Variants in ADH1C observed in about 807,000 individuals in gnomAD.
The protein encoded by ADH1C is alcohol dehydrogenase 1C (class I), gamma polypeptide.
A neutral mutation model predicts 35.0 loss-of-function variants in ADH1C; 26 were observed. The observed-to-expected ratio is 0.74, with a 90% confidence interval of 0.54 to 1.03. The LOEUF is 1.03. Among genes scored for constraint, ADH1C ranks in the 50% least tolerant of loss-of-function variants. The probability of loss-of-function intolerance (pLI) is 0.00; values close to 1 mark genes in which losing one functional copy is unlikely to be tolerated. For missense variants in ADH1C, 413 were observed against 465.4 expected, an observed-to-expected ratio of 0.89 and a Z score of 1.04; for synonymous variants, 170 against 169.3, an observed-to-expected ratio of 1.00 and a Z score of -0.03.
intron 1 of ADH1C, chr4:99,351,209 G>A (rs1420212818): frequency 7.0e-6 from 1 of 143,016 alleles, no homozygotes; most frequent in Non-Finnish European, 1.6e-5. Flanking sequence ...ATATCAAAAA[G>A]TTATAAAGCA....
At chr4:99,345,715 CA>C (rs1384961045) in intron 3 of ADH1C, among the ~76,000 whole-genome samples, 14 of 152,130 alleles carry the variant, frequency 9.2e-5, no homozygotes, top group Admixed American at 2.6e-4. Context: ...ATTTGATTTA[CA>C]ACAAAAATGA....
chr4:99,346,178 GCTAT>G (rs1269060919), intron 3 of ADH1C, among the ~76,000 whole-genome samples: 1 of 152,048 alleles, frequency 6.6e-6, no homozygotes, highest in Admixed American at 6.6e-5. Context: ...AATCACCTAT[GCTAT>G]CTATTTCACA....
intron 1 of ADH1C, 149 bp from the exon 2 acceptor site, chr4:99,347,995 G>A (rs1734576510): frequency 1.3e-6 from 1 of 791,658 alleles, no homozygotes; most frequent in Non-Finnish European, 1.9e-6. Flanking sequence ...GGTTTATAAA[G>A]AGAATAAGAG....
intron 3 of ADH1C, 85 bp from the exon 4 acceptor site, chr4:99,345,351 G>C: frequency 7.6e-7 from 1 of 1,316,058 alleles, no homozygotes; most frequent in Non-Finnish European, 1.1e-6. Flanking sequence ...GTATAGATTA[G>C]AATTATGTGT....
chr4:99,341,085 C>T (rs141973904), intron 6 of ADH1C, among the ~76,000 whole-genome samples: 2,457 of 152,218 alleles, frequency 0.016, 87 homozygotes, highest in Middle Eastern at 0.13. Flanking sequence ...GTATTTTGAA[C>T]CCAATACTTT....
chr4:99,343,939 G>C (rs1397761108), intron 5 of ADH1C, among the ~76,000 whole-genome samples: 2 of 152,072 alleles, frequency 1.3e-5, no homozygotes, highest in Non-Finnish European at 2.9e-5. Context: ...TCCCTTAAGG[G>C]TGTCTATTTC....
Position 99,339,696 on chromosome 4 carries a change from A to T in ADH1C, c.984T>A (p.Ser328=), listed in dbSNP as rs776251067. Residue 328 remains serine, a synonymous_variant, in exon 8 of 9, where the codon TCT becomes TCA. Transcript: ENST00000515683. ...TAAAGTCAGCCACAAGTTTGGGGAC[A>T]GATTCTTTACTCTTAAAGCCTGAAA... ...AIFGGFKSKE[S]VPKLVADFMA... 5.0e-6 allele frequency: 8 copies of T among 1,612,014 alleles called. No individual in the cohort carries two copies. The highest frequency in any genetic ancestry group is 6.8e-6 in the Non-Finnish European group (8 of 1,179,316).
intron 1 of ADH1C, among the ~76,000 whole-genome samples, chr4:99,349,795 ATGTGTGTTTCTG>A (rs1463730440): frequency 8.0e-6 from 1 of 125,678 alleles, no homozygotes; most frequent in Non-Finnish European, 2.0e-5. Flanking sequence ...GGTGTTGTGT[ATGTGTGTTTCTG>A]TGTGTGTGTG....
chr4:99,340,110 C>G (rs1045680131), intron 7 of ADH1C, among the ~76,000 whole-genome samples: 1 of 152,162 alleles, frequency 6.6e-6, no homozygotes, highest in African/African-American at 2.4e-5. Context: ...TTAATAGTGA[C>G]ATCAGAAAAG....
At chr4:99,343,347 T>G (rs1734459470) in intron 5 of ADH1C, among the ~76,000 whole-genome samples, 1 of 152,208 alleles carries the variant, frequency 6.6e-6, no homozygotes, top group African/African-American at 2.4e-5. Context: ...CAGGTGGAAC[T>G]AAGTCCTCAA....
At chr4:99,339,523 CCCCG>C in intron 8 of ADH1C, 50 bp downstream of exon 8, 4 of 1,211,016 alleles carry the variant, frequency 3.3e-6, no homozygotes, top group Non-Finnish European at 3.3e-6. Flanking sequence ...CCCCCCCCCC[CCCCG>C]CCGCTACTGT....
chr4:99,351,379 G>C (rs970739838), intron 1 of ADH1C, among the ~76,000 whole-genome samples: 1 of 152,066 alleles, frequency 6.6e-6, no homozygotes, highest in Non-Finnish European at 1.5e-5. Context: ...AATGCAGGAC[G>C]GGTAAACATA....
intron 3 of ADH1C, among the ~76,000 whole-genome samples, chr4:99,346,527 TAGGTCACCTA>T (rs66538746): frequency 0.23 from 35,257 of 151,922 alleles, 4,840 homozygotes; most frequent in Non-Finnish European, 0.31. Context: ...AGGAGCTGCA[TAGGTCACCTA>T]AGGAAAGGTC....
chr4:99,344,524 C>T (rs1411956672), intron 5 of ADH1C, among the ~76,000 whole-genome samples: 3 of 152,102 alleles, frequency 2.0e-5, no homozygotes, highest in African/African-American at 7.2e-5. Flanking sequence ...CCTAGCAGAA[C>T]CTATGGTGCC....
chr4:99,347,677 T>C (rs2110661517), intron 2 of ADH1C, 68 bp downstream of exon 2: 2 of 1,427,682 alleles, frequency 1.4e-6, no homozygotes, highest in East Asian at 5.0e-5. Context: ...ATTTTGGATG[T>C]TTCTATTTTT....
At chr4:99,346,310 CATA>C (rs757925935) in intron 3 of ADH1C, among the ~76,000 whole-genome samples, 3 of 151,864 alleles carry the variant, frequency 2.0e-5, no homozygotes, top group Non-Finnish European at 4.4e-5. Flanking sequence ...TATATTAATA[CATA>C]ATAAGATTAG....
intron 6 of ADH1C, among the ~76,000 whole-genome samples, chr4:99,342,090 T>C (rs904093): frequency 0.31 from 47,389 of 151,866 alleles, 8,821 homozygotes; most frequent in Non-Finnish European, 0.41. Context: ...GCTAACCACA[T>C]GATGAGTTGT....
intron 4 of ADH1C, 24 bp from the exon 5 acceptor site, chr4:99,345,105 C>T: frequency 6.2e-7 from 1 of 1,614,150 alleles, no homozygotes; most frequent in Non-Finnish European, 8.5e-7. Context: ...TACAAAGACA[C>T]ACAAAGGCAT....
chr4:99,345,197 T>G lies in ADH1C; in HGVS notation c.329A>C (p.Asn110Thr). 2 of 1,614,050 alleles carry G rather than the reference T, an allele frequency of 1.2e-6. No individual in the cohort carries two copies. Among genetic ancestry groups the G allele is most frequent in the South Asian group, 2.2e-5 (2 of 91,058 alleles). ...KCRICKNPES[N>T]YCLKNDLGNP... is the part of the protein sequence containing the mutation. ...AACTTACTCATTTTTCAAGCAGTAGTTGCTTTCTGGGTTTTTACAAATTCT... is the reference window on the plus strand; with the variant it reads ...AACTTACTCATTTTTCAAGCAGTAGGTGCTTTCTGGGTTTTTACAAATTCT... Residue 110 changes from asparagine (N) to threonine (T), a missense_variant, in exon 4 of 9, where the codon AAC (asparagine) becomes ACC (threonine). By Grantham distance (65) the Asn-to-Thr change is moderately conservative. Coordinates refer to ENST00000515683, the MANE Select transcript of ADH1C (RefSeq NM_000669.5).
Sources: gnomAD v4.1 joint callset for allele counts (sites outside exome capture counted in the v4.1 genomes callset) on GRCh38, gnomAD v4.1.1 for gene constraint, MANE v1.5 for transcripts, NCBI Gene and HGNC (gene_info 2026-07-23, HGNC 2026-07-21) for gene names.